TRPM4: variants seen among roughly 807,000 people sequenced by gnomAD.
TRPM4 encodes transient receptor potential cation channel subfamily M member 4.
In TRPM4, 124 loss-of-function variants were observed where a neutral mutation model predicts 135.6. The observed-to-expected ratio is 0.91, with a 90% confidence interval of 0.79 to 1.06. The LOEUF is 1.06. Among genes scored for constraint, TRPM4 ranks in the 50% least tolerant of loss-of-function variants. The probability of loss-of-function intolerance (pLI) is 0.00; values close to 1 mark genes in which losing one functional copy is unlikely to be tolerated. For missense variants in TRPM4, 1,658 were observed against 1,671.4 expected, an observed-to-expected ratio of 0.99 and a Z score of 0.14; for synonymous variants, 745 against 705.6, an observed-to-expected ratio of 1.06 and a Z score of -0.88.
Position 49,210,010 on chromosome 19 carries a change from A to G in TRPM4, c.3132-199A>G, listed in dbSNP as rs144790175. Among the ~76,000 whole-genome samples, 577 of 152,204 alleles carry G rather than the reference A, an allele frequency of 3.8e-3. No homozygotes were observed. The highest frequency in any genetic ancestry group is 6.2e-3 in the Admixed American group (94 of 15,272). On this transcript the variant is annotated intron_variant, in intron 20 of 24. Coordinates refer to ENST00000252826, the MANE Select transcript of TRPM4 (RefSeq NM_017636.4). The surrounding 1 kb of genome is among the most constrained non-coding windows in gnomAD (Gnocchi z 4.1). ...GTGATCCGCCCACTCCGGCCTCCCA[A>G]AGTGCTGGGACTACAGGCGTGACCA...
At position 49,211,164 on chromosome 19, in the gene TRPM4, G is replaced by T; in HGVS notation, c.3535G>T (p.Val1179Phe). 2 of 1,607,058 alleles carry T rather than the reference G, an allele frequency of 1.2e-6. No homozygotes were observed. The highest frequency in any genetic ancestry group is 1.7e-6 in the Non-Finnish European group (2 of 1,177,280). The change falls in exon 24 of 25, where the codon GTC becomes TTC. Residue 1179 changes from valine (V) to phenylalanine (F), a missense_variant and splice_region_variant. Transcript: ENST00000252826. This position sits in a 1 kb window ranked among gnomAD's most constrained non-coding sequence, Gnocchi z 4.8. Reference sequence around the variant, plus strand: ...CTCTGACATTCCTCCCATTCCGCAGGTCCAGCAGTGTAGCCGCGTCCTGGG... The same window carrying T: ...CTCTGACATTCCTCCCATTCCGCAGTTCCAGCAGTGTAGCCGCGTCCTGGG... ...EQRLKVLERE[V>F]QQCSRVLGWV...
chr19:49,187,448 G>A (rs993987343), intron 12 of TRPM4, among the ~76,000 whole-genome samples: 3 of 151,622 alleles, frequency 2.0e-5, no homozygotes, highest in Admixed American at 1.3e-4. Flanking sequence ...GGGCTCATTC[G>A]ATCCTCCTAC....
At chr19:49,164,920 TA>T (rs1163021228) in intron 2 of TRPM4, among the ~76,000 whole-genome samples, 1 of 151,820 alleles carries the variant, frequency 6.6e-6, no homozygotes, top group Non-Finnish European at 1.5e-5. Flanking sequence ...TTTATTTATT[TA>T]TTTTTAGAGA....
chr19:49,174,855 G>T (rs983579634), intron 9 of TRPM4, among the ~76,000 whole-genome samples: 1 of 150,936 alleles, frequency 6.6e-6, no homozygotes, highest in Admixed American at 6.6e-5. Context: ...TATTCAGGAA[G>T]ATTCCCAGGG....
chr19:49,164,173 A>G (rs1280721613), intron 2 of TRPM4, among the ~76,000 whole-genome samples: 1 of 151,928 alleles, frequency 6.6e-6, no homozygotes, highest in Non-Finnish European at 1.5e-5. Flanking sequence ...TGGAACAAAG[A>G]ATTTAGATAC....
In TRPM4 at chr19:49,205,661, G is replaced by A. The variant is rs571951137; in HGVS notation, c.3131+3520G>A. Among the ~76,000 whole-genome samples, 19 of 149,096 alleles carry A rather than the reference G, an allele frequency of 1.3e-4. No individual in the cohort carries two copies. The South Asian group carries it at 3.5e-3, about 27-fold the overall frequency. On this transcript the variant is annotated intron_variant, in intron 20 of 24. Coordinates refer to ENST00000252826, the MANE Select transcript of TRPM4 (RefSeq NM_017636.4). Reference sequence around the variant, plus strand: ...AGGGATTCTCCTGCCTCAGCCTCCCGAGTAGCTGGGATTACAGGTGCCTGC... The same window carrying A: ...AGGGATTCTCCTGCCTCAGCCTCCCAAGTAGCTGGGATTACAGGTGCCTGC...
chr19:49,210,771 G>C lies in TRPM4; in HGVS notation c.3390G>C (p.Glu1130Asp). The C allele has an allele frequency of 6.2e-7, 1 of 1,614,116 alleles. No homozygotes were observed. The highest frequency in any genetic ancestry group is 8.5e-7 in the Non-Finnish European group (1 of 1,180,042). The change falls in exon 22 of 25, where the codon GAG (glutamate) becomes GAC (aspartate). Residue 1130 changes from glutamate to aspartate, a missense_variant. Transcript: ENST00000252826. The surrounding 1 kb of genome is among the most constrained non-coding windows in gnomAD (Gnocchi z 4.1). Reference protein sequence around the residue: ...KLLTWESVHKENFLLARARDK... With the variant: ...KLLTWESVHKDNFLLARARDK... ...TAACGTGGGAATCGGTGCATAAGGA[G>C]AACTTTCTGCTGGCACGCGCTAGGG...
chr19:49,175,816 A>G (rs1184124696), intron 9 of TRPM4, among the ~76,000 whole-genome samples: 1 of 148,728 alleles, frequency 6.7e-6, no homozygotes, highest in East Asian at 2.0e-4. Context: ...TTTAGTAGAG[A>G]CGGAGTTTCA....
At chr19:49,204,221 G>T (rs1969061565) in intron 20 of TRPM4, among the ~76,000 whole-genome samples, 1 of 152,208 alleles carries the variant, frequency 6.6e-6, no homozygotes, top group African/African-American at 2.4e-5. Flanking sequence ...TGGAACATTG[G>T]CATGCAAGTA....
At chr19:49,195,715 G>A (rs1277545510) in intron 16 of TRPM4, among the ~76,000 whole-genome samples, 5 of 142,524 alleles carry the variant, frequency 3.5e-5, no homozygotes, top group South Asian at 4.4e-4. Flanking sequence ...ACAGGGTCTC[G>A]CTCTATTGCC....
In TRPM4 at chr19:49,171,927, G is replaced by T. The variant is rs1163622223; in HGVS notation, c.1051-82G>T. 7 of 1,384,714 alleles carry T rather than the reference G, an allele frequency of 5.1e-6. No homozygotes were observed. Among genetic ancestry groups the T allele is most frequent in the Non-Finnish European group, 6.2e-6 (6 of 972,798 alleles). The allele number at this position is 1,384,714 out of a possible 1,614,324, so 85.8% of individuals were successfully genotyped here. ...GACTATTAGGTCCTGGAGGGGAATG[G>T]CCTCCTCCATCCCTTTGGACAGGGC... On this transcript the variant is annotated intron_variant, in intron 8 of 24. Coordinates refer to ENST00000252826, the MANE Select transcript of TRPM4 (RefSeq NM_017636.4). The surrounding 1 kb of genome is among the most constrained non-coding windows in gnomAD (Gnocchi z 4.7).
At chr19:49,199,219 C>A (rs2145963923) in intron 17 of TRPM4, among the ~76,000 whole-genome samples, 1 of 152,142 alleles carries the variant, frequency 6.6e-6, no homozygotes, top group South Asian at 2.1e-4. Flanking sequence ...AGCTTAATGG[C>A]CATATGTCCT....
intron 12 of TRPM4, among the ~76,000 whole-genome samples, chr19:49,185,875 C>T (rs990055664): frequency 6.6e-6 from 1 of 152,026 alleles, no homozygotes; most frequent in African/African-American, 2.4e-5. Flanking sequence ...CTCAGCCTCC[C>T]AAGTAGCTGG....
At chr19:49,183,355 A>G (rs2122943830) in intron 12 of TRPM4, 143 bp downstream of exon 12, 2 of 939,720 alleles carry the variant, frequency 2.1e-6, no homozygotes, top group East Asian at 2.6e-5. Context: ...TATGCCTCCA[A>G]CTGCTTCCTC....
At chr19:49,185,079 C>A (rs1379469265) in intron 12 of TRPM4, among the ~76,000 whole-genome samples, 1 of 151,750 alleles carries the variant, frequency 6.6e-6, no homozygotes, top group African/African-American at 2.4e-5. Context: ...CCCTTTAGTT[C>A]TTTTTTCATG....
chr19:49,204,982 G>GTT (rs756332219), intron 20 of TRPM4, among the ~76,000 whole-genome samples: 2,778 of 60,602 alleles, frequency 0.046, 402 homozygotes, highest in African/African-American at 0.15. Context: ...GGCTTTGGTT[G>GTT]TTTTTTTTTT....
In TRPM4 at chr19:49,211,382, G is replaced by A. The variant is rs1879826056; in HGVS notation, c.3641-112G>A. ...CTGGGTCACTCTCTTGGTCTCCTTT[G>A]AGCCTTTTGTACTCTCGCCTTCGTC... is the stretch of plus-strand genomic sequence containing the variant. On this transcript the variant is annotated intron_variant, in intron 24 of 24. Coordinates refer to ENST00000252826, the MANE Select transcript of TRPM4 (RefSeq NM_017636.4). This position sits in a 1 kb window ranked among gnomAD's most constrained non-coding sequence, Gnocchi z 4.8. 1.9e-6 allele frequency: 3 copies of A among 1,591,600 alleles called. No individual in the cohort carries two copies. The South Asian group carries it at 3.3e-5, about 18-fold the overall frequency.
At position 49,166,027 on chromosome 19, in the gene TRPM4, C is replaced by G; in HGVS notation, c.93-14C>G. On this transcript the variant is annotated splice_polypyrimidine_tract_variant and intron_variant, in intron 2 of 24. Coordinates refer to ENST00000252826, the MANE Select transcript of TRPM4 (RefSeq NM_017636.4). ...GGGCAGCCCTGGGTTCACGCTCCGC[C>G]CTCGCACCCCCAGAGGGACCTTGTG... 6.3e-7 allele frequency: 1 copy of G among 1,580,844 alleles called. No homozygotes were observed. Among genetic ancestry groups the G allele is most frequent in the South Asian group, 1.2e-5 (1 of 86,820 alleles).
intron 3 of TRPM4, 90 bp downstream of exon 3, chr19:49,166,305 C>G (rs1401156789): frequency 1.5e-6 from 2 of 1,355,594 alleles, no homozygotes; most frequent in Admixed American, 2.4e-5. Flanking sequence ...GCCCTGAACC[C>G]TGGCCCCTCC....
Sources: gnomAD v4.1 joint callset for allele counts (sites outside exome capture counted in the v4.1 genomes callset) on GRCh38, gnomAD v4.1.1 for gene constraint, Gnocchi (gnomAD v3.1) non-coding constraint, MANE v1.5 for transcripts, NCBI Gene and HGNC (gene_info 2026-07-23, HGNC 2026-07-21) for gene names.